KLF7: variants seen among roughly 807,000 people sequenced by gnomAD.
KLF7 encodes the protein KLF transcription factor 7.
Under a neutral mutation model 27.3 loss-of-function variants are expected in KLF7, and 2 were observed. The observed-to-expected ratio is 0.07, with a 90% CI of 0.03 to 0.23. The LOEUF (loss-of-function observed/expected upper bound fraction) is 0.23, where lower values mean the gene tolerates loss of function less well. Ranked by LOEUF, KLF7 falls within the 10% of genes least tolerant of loss-of-function variation. The pLI, the probability that KLF7 is intolerant of heterozygous loss-of-function variation, is 1.00. For synonymous variants in KLF7, 165 were observed against 162.4 expected (o/e 1.02, Z -0.12); for missense variants, 221 against 394.1 (o/e 0.56, Z 3.72).
intron 1 of KLF7, among the ~76,000 whole-genome samples, chr2:207,135,562 A>G (rs1379341547): frequency 6.6e-6 from 1 of 152,222 alleles, no homozygotes; most frequent in Non-Finnish European, 1.5e-5. Context: ...TGCCTCAAGC[A>G]TTTGTCAAAT....
chr2:207,077,829 T>C lies in KLF7; in HGVS notation c.*3384A>G, dbSNP rs921712295. 1.3e-5 allele frequency: 2 copies of C among 152,166 alleles called. No individual in the cohort carries two copies. The highest frequency in any genetic ancestry group is 4.8e-5 in the African/African-American group (2 of 41,438). The allele number at this position is 152,166 out of a possible 1,614,324, so 9.4% of individuals were successfully genotyped here. A position where few individuals can be genotyped will look rare whatever the true frequency, so the allele number is the denominator to read the frequency against. On this transcript the variant is annotated 3_prime_UTR_variant, in exon 4 of 4. Coordinates refer to ENST00000309446, the MANE Select transcript of KLF7 (RefSeq NM_003709.4). The stretch of plus-strand genomic sequence containing the variant: ...TTGTCAGTGGCTTAGAAACTCTTTT[T>C]CTACATGAACAAATCTGAACCCTGG...
At chr2:207,159,764 T>C (rs1241162032) in intron 1 of KLF7, among the ~76,000 whole-genome samples, 1 of 152,188 alleles carries the variant, frequency 6.6e-6, no homozygotes, top group Non-Finnish European at 1.5e-5. Flanking sequence ...TCAAGGCTAC[T>C]GCAAACGCTC....
intron 2 of KLF7, among the ~76,000 whole-genome samples, chr2:207,094,632 T>C (rs993233148): frequency 2.6e-5 from 4 of 152,216 alleles, no homozygotes; most frequent in Non-Finnish European, 5.9e-5. Context: ...CACTAAGCTT[T>C]CTCAGCAATG....
chr2:207,112,508 C>G (rs2077065398), intron 2 of KLF7, among the ~76,000 whole-genome samples: 1 of 152,176 alleles, frequency 6.6e-6, no homozygotes, highest in South Asian at 2.1e-4. Flanking sequence ...TATGGGAAAC[C>G]AGTAACAGCC....
intron 2 of KLF7, among the ~76,000 whole-genome samples, chr2:207,107,982 C>T (rs1400986647): frequency 6.6e-6 from 1 of 152,214 alleles, no homozygotes. Flanking sequence ...TATTGCTTTA[C>T]TCTTCTCGCA....
the KLF7 span, among the ~76,000 whole-genome samples, chr2:207,172,413 G>A: frequency 2.6e-5 from 4 of 152,074 alleles, no homozygotes; most frequent in South Asian, 8.3e-4. Context: ...CTGGGTCTTT[G>A]TGTCTTCATT....
chr2:207,097,966 A>G (rs556881325), intron 2 of KLF7, among the ~76,000 whole-genome samples: 3 of 152,340 alleles, frequency 2.0e-5, no homozygotes, highest in Admixed American at 6.5e-5. Context: ...ACAAAAACTC[A>G]TAACTGTTTA....
At chr2:207,113,246 GTTT>G (rs562691440) in intron 2 of KLF7, among the ~76,000 whole-genome samples, 5 of 151,260 alleles carry the variant, frequency 3.3e-5, no homozygotes, top group Non-Finnish European at 7.4e-5. Flanking sequence ...TATTTTGCCA[GTTT>G]TTTTTTCCTG....
intron 1 of KLF7, among the ~76,000 whole-genome samples, chr2:207,134,786 C>G (rs1362127022): frequency 6.6e-6 from 1 of 152,190 alleles, no homozygotes; most frequent in African/African-American, 2.4e-5. Context: ...ACACTACTCA[C>G]TAGCTCAATC....
intron 2 of KLF7, among the ~76,000 whole-genome samples, chr2:207,102,793 T>G (rs1297376503): frequency 2.6e-5 from 4 of 152,184 alleles, no homozygotes; most frequent in Non-Finnish European, 5.9e-5. Context: ...GAGTATCCCT[T>G]GGTTTTTGTT....
rs74808261 is a variant in KLF7 at position 207,141,951 on chromosome 2, G to C, written c.103-17547C>G. Among the ~76,000 whole-genome samples, 893 of 151,954 alleles carry C rather than the reference G, an allele frequency of 5.9e-3. 7 individuals carry two copies. Among genetic ancestry groups the C allele is most frequent in the Non-Finnish European group, 9.3e-3 (634 of 67,968 alleles). ...ATAATGATGAGCTGCACTTTCATTC[G>C]GCCCTGCTCAGCTCCTCCTGCCCCG... On this transcript the variant is annotated intron_variant, in intron 1 of 3. Coordinates refer to ENST00000309446, the MANE Select transcript of KLF7 (RefSeq NM_003709.4).
chr2:207,168,168 GACCA>G (rs1043238021), upstream of KLF7, among the ~76,000 whole-genome samples: 15 of 152,286 alleles, frequency 9.8e-5, no homozygotes, highest in East Asian at 9.7e-4. Flanking sequence ...GGTGAGGCAA[GACCA>G]ACCATATAAT....
At chr2:207,150,030 T>C (rs1041612710) in intron 1 of KLF7, among the ~76,000 whole-genome samples, 6 of 152,156 alleles carry the variant, frequency 3.9e-5, no homozygotes, top group African/African-American at 1.4e-4. Flanking sequence ...CAGAAGCAAA[T>C]AGTCCCCAGA....
chr2:207,094,723 T>A (rs2076585498), intron 2 of KLF7, among the ~76,000 whole-genome samples: 1 of 152,228 alleles, frequency 6.6e-6, no homozygotes. Flanking sequence ...AAAAAATACC[T>A]ATGCTAAGTC....
chr2:207,115,868 A>T (rs2077166945), intron 2 of KLF7, among the ~76,000 whole-genome samples: 1 of 152,220 alleles, frequency 6.6e-6, no homozygotes, highest in Non-Finnish European at 1.5e-5. Flanking sequence ...ACTGACCACA[A>T]CAGTCTACAG....
intron 2 of KLF7, among the ~76,000 whole-genome samples, chr2:207,114,726 CAGAGAA>C (rs2077132679): frequency 6.6e-6 from 1 of 152,154 alleles, no homozygotes. Flanking sequence ...GCAAGGTCTC[CAGAGAA>C]AGATATTAGA....
chr2:207,124,363 C>T lies in KLF7; in HGVS notation c.144G>A (p.Arg48=). 1 of 1,588,662 alleles carries T rather than the reference C, an allele frequency of 6.3e-7. No individual in the cohort carries two copies. The highest frequency in any genetic ancestry group is 2.3e-5 in the East Asian group (1 of 44,432). The change falls in exon 2 of 4, where the codon CGG becomes CGA. Residue 48 remains arginine, a synonymous_variant. Coordinates refer to ENST00000309446, the MANE Select transcript of KLF7 (RefSeq NM_003709.4). ...CCTCACCAAAGGTCTCTGAGATCCT[C>T]CGGGGCTCCGTCTGTAGGTAGCGTT... is the stretch of plus-strand genomic sequence containing the variant. ...ELERYLQTEP[R]RISETFGEDL...
At chr2:207,086,510 T>C (rs914678671) in intron 3 of KLF7, among the ~76,000 whole-genome samples, 5 of 152,260 alleles carry the variant, frequency 3.3e-5, no homozygotes, top group African/African-American at 1.2e-4. Flanking sequence ...TTGTACCATC[T>C]GCTCAGCAAA....
intron 1 of KLF7, chr2:207,133,993 C>A: frequency 8.5e-7 from 1 of 1,171,786 alleles, no homozygotes; most frequent in Non-Finnish European, 1.2e-6. Flanking sequence ...CTTATGCACC[C>A]CCACCCGCTC....
Sources: allele counts gnomAD v4.1 joint callset (sites outside exome capture counted in the v4.1 genomes callset), GRCh38; gene constraint gnomAD v4.1.1; transcripts MANE v1.5; gene names NCBI Gene and HGNC (gene_info 2026-07-23, HGNC 2026-07-21).